Variants in ATP6V1B2 observed in about 807,000 individuals in gnomAD.
ATP6V1B2 encodes ATPase H+ transporting V1 subunit B2, also known as V-type proton ATPase subunit B, brain isoform.
ATP6V1B2 carries 23 observed loss-of-function variants against 66.7 expected under a neutral mutation model. The ratio of observed to expected loss-of-function variants is 0.34; its 90% CI spans 0.25 to 0.49. The LOEUF (loss-of-function observed/expected upper bound fraction) is 0.49. Among genes scored for constraint, ATP6V1B2 ranks in the 20% least tolerant of loss-of-function variants. ATP6V1B2 has a pLI of 0.99. For synonymous variants in ATP6V1B2, 278 were observed against 236.7 expected (o/e 1.17, Z -1.60); for missense variants, 478 against 650.8 (o/e 0.73, Z 2.89).
chr8:20,219,171 A>G (rs1398996880), intron 13 of ATP6V1B2, among the ~76,000 whole-genome samples: 1 of 152,200 alleles, frequency 6.6e-6, no homozygotes, highest in Non-Finnish European at 1.5e-5. Context: ...GCAGATTCAG[A>G]TGCAGCAGAC....
chr8:20,213,104 G>A (rs2072812091), intron 9 of ATP6V1B2, 199 bp downstream of exon 9: 1 of 602,902 alleles, frequency 1.7e-6, no homozygotes, highest in Non-Finnish European at 2.7e-6. Context: ...AGATTTAAAT[G>A]GTTAGCCTGT....
At position 20,212,309 on chromosome 8, in the gene ATP6V1B2, G is replaced by A. The variant is rs1189391338; in HGVS notation, c.803+110G>A. ...AACAGCATTTGGACCTAACAATGAG[G>A]TAACCCTGTATTTAAAGTCCAGCCC... is the stretch of plus-strand genomic sequence containing the variant. On this transcript the variant is annotated intron_variant, in intron 8 of 13. Transcript: ENST00000276390. 4.1e-6 allele frequency: 4 copies of A among 986,890 alleles called. No homozygotes were observed. In the East Asian group the frequency reaches 1.0e-4, roughly 26 times the overall value. The allele number at this position is 986,890 out of a possible 1,614,324, so 61.1% of individuals were successfully genotyped here. A position where few individuals can be genotyped will look rare whatever the true frequency, so the allele number is the denominator to read the frequency against.
intron 9 of ATP6V1B2, 153 bp from the exon 10 acceptor site, chr8:20,214,665 C>T (rs751958252): frequency 1.8e-5 from 15 of 836,188 alleles, no homozygotes; most frequent in East Asian, 3.3e-5. Flanking sequence ...TTTATGTTGC[C>T]GGGAGATTTT....
At chr8:20,199,952 T>G (rs1040926649) in intron 1 of ATP6V1B2, among the ~76,000 whole-genome samples, 2 of 151,830 alleles carry the variant, frequency 1.3e-5, no homozygotes, top group Non-Finnish European at 2.9e-5. Flanking sequence ...TTTTTGTGAA[T>G]TGATTGATGT....
intron 1 of ATP6V1B2, among the ~76,000 whole-genome samples, chr8:20,201,342 C>CT (rs1563801675): frequency 1.3e-5 from 2 of 152,094 alleles, no homozygotes; most frequent in Admixed American, 1.3e-4. Context: ...AACTTAATGT[C>CT]TTTGACAGCC....
chr8:20,214,537 A>G, intron 9 of ATP6V1B2: 1 of 237,894 alleles, frequency 4.2e-6, no homozygotes, highest in South Asian at 1.5e-4. Flanking sequence ...TGATTTATAA[A>G]ATTGCAAACA....
At chr8:20,213,837 T>A (rs1013445940) in intron 9 of ATP6V1B2, 4 of 152,156 alleles carry the variant, frequency 2.6e-5, no homozygotes, top group African/African-American at 7.2e-5. Context: ...TCAGACTAAC[T>A]CTAGTCAAGG....
chr8:20,218,408 G>A lies in ATP6V1B2; in HGVS notation c.1396+126G>A, dbSNP rs1455250920. The A allele has an allele frequency of 8.8e-6, 11 of 1,255,504 alleles. No homozygotes were observed. The Admixed American group carries it at 2.8e-4, about 32-fold the overall frequency. 77.8% of individuals were successfully genotyped at this position (1,255,504 alleles called of 1,614,324 possible). ...TTTCTCTGGTTAGAGAAGAGGCTCT[G>A]TCACCTGCCTGCCTTAACCCTCTGG... On this transcript the variant is annotated intron_variant, in intron 13 of 13. Transcript: ENST00000276390.
At position 20,200,228 on chromosome 8, in the gene ATP6V1B2, G is replaced by T. The variant is rs11988535; in HGVS notation, c.136+2686G>T. ...AGATGGGATTTCCCCATGTTGCCCA[G>T]GCTGGTCTACAACTCCTGAGCTCAA... is the stretch of plus-strand genomic sequence containing the variant. On this transcript the variant is annotated intron_variant, in intron 1 of 13. Coordinates refer to ENST00000276390, the MANE Select transcript of ATP6V1B2 (RefSeq NM_001693.4). 5.3e-4 allele frequency among the ~76,000 whole-genome samples: 81 copies of T among 151,888 alleles called. 3 individuals carry two copies. Among genetic ancestry groups the T allele is most frequent in the African/African-American group, 1.9e-3 (77 of 41,368 alleles).
rs114068873 is a variant in ATP6V1B2, at chr8:20,212,304, A to G, written c.803+105A>G. 344 of 1,036,564 alleles carry G rather than the reference A, an allele frequency of 3.3e-4. 3 individuals carry two copies. In the African/African-American group the frequency reaches 4.6e-3, roughly 14 times the overall value. The allele number at this position is 1,036,564 out of a possible 1,614,324, so 64.2% of individuals were successfully genotyped here. On this transcript the variant is annotated intron_variant, in intron 8 of 13. Transcript: ENST00000276390. Reference sequence around the variant, plus strand: ...GTAATAACAGCATTTGGACCTAACAATGAGGTAACCCTGTATTTAAAGTCC... The same window carrying G: ...GTAATAACAGCATTTGGACCTAACAGTGAGGTAACCCTGTATTTAAAGTCC...
chr8:20,213,002 A>G, intron 9 of ATP6V1B2, 97 bp downstream of exon 9: 1 of 1,501,274 alleles, frequency 6.7e-7, no homozygotes, highest in Non-Finnish European at 9.1e-7. Flanking sequence ...TGGTTTTTTA[A>G]TTCCACTGTT....
intron 2 of ATP6V1B2, among the ~76,000 whole-genome samples, chr8:20,205,846 T>A (rs927397984): frequency 6.6e-6 from 1 of 152,208 alleles, no homozygotes; most frequent in Non-Finnish European, 1.5e-5. Context: ...GATCCCAAAA[T>A]TCTTAATGCA....
At chr8:20,201,570 T>C (rs1238113098) in intron 1 of ATP6V1B2, among the ~76,000 whole-genome samples, 2 of 152,184 alleles carry the variant, frequency 1.3e-5, no homozygotes, top group Non-Finnish European at 2.9e-5. Flanking sequence ...CCATACTTTT[T>C]AATTGTACTG....
At position 20,197,382 on chromosome 8, in the gene ATP6V1B2, G is replaced by T. The variant is rs989483437; in HGVS notation, c.-25G>T. On this transcript the variant is annotated 5_prime_UTR_variant, in exon 1 of 14. Transcript: ENST00000276390. ...CTGCGCGTGCGCGGCGTCGCTGCTG[G>T]GCCAGTCGGGACAGAGGAGACAAGA... The T allele has an allele frequency of 1.4e-6, 2 of 1,480,880 alleles. No individual in the cohort carries two copies. The highest frequency in any genetic ancestry group is 2.8e-5 in the East Asian group (1 of 35,298). 91.7% of individuals were successfully genotyped at this position (1,480,880 alleles called of 1,614,324 possible). A position where few individuals can be genotyped will look rare whatever the true frequency, so the allele number is the denominator to read the frequency against.
Position 20,197,507 on chromosome 8 carries a change from C to T in ATP6V1B2, c.101C>T (p.Ala34Val). ...GTGGGAGCTCGGGAGCAGGCGCTGG[C>T]AGTCAGTCGGAACTACCTCTCCCAG... ...PAVGAREQAL[A>V]VSRNYLSQPR... Residue 34 changes from alanine to valine, a missense_variant, in exon 1 of 14, where the codon GCA (alanine) becomes GTA (valine). Transcript: ENST00000276390. 6.7e-7 allele frequency: 1 copy of T among 1,486,592 alleles called. No homozygotes were observed. Among genetic ancestry groups the T allele is most frequent in the Non-Finnish European group, 9.0e-7 (1 of 1,116,402 alleles). The allele number at this position is 1,486,592 out of a possible 1,614,324, so 92.1% of individuals were successfully genotyped here.
intron 13 of ATP6V1B2, 85 bp downstream of exon 13, chr8:20,218,367 G>T: frequency 4.6e-6 from 7 of 1,532,056 alleles, no homozygotes; most frequent in Non-Finnish European, 6.2e-6. Flanking sequence ...AATTCTCATT[G>T]GTTTCTATAT....
chr8:20,197,568 C>G (rs758796473), intron 1 of ATP6V1B2, 26 bp downstream of exon 1: 1 of 1,350,638 alleles, frequency 7.4e-7, no homozygotes. Flanking sequence ...TAATACGTCT[C>G]CGGTCTTTGC....
At chr8:20,211,030 A>C (rs2072788056) in intron 5 of ATP6V1B2, 147 bp from the exon 6 acceptor site, 1 of 1,065,854 alleles carries the variant, frequency 9.4e-7, no homozygotes, top group East Asian at 3.0e-5. Flanking sequence ...TTTGAAAAAT[A>C]ACTGATTTTT....
intron 2 of ATP6V1B2, among the ~76,000 whole-genome samples, chr8:20,208,666 A>C (rs538499059): frequency 6.6e-6 from 1 of 151,906 alleles, no homozygotes; most frequent in African/African-American, 2.4e-5. Context: ...GATGAGACTT[A>C]AGCATTATCT....
Sources: allele counts gnomAD v4.1 joint callset (sites outside exome capture counted in the v4.1 genomes callset), GRCh38; gene constraint gnomAD v4.1.1; transcripts MANE v1.5; gene names NCBI Gene and HGNC (gene_info 2026-07-23, HGNC 2026-07-21).